Variants in TENM3 observed in about 807,000 individuals in gnomAD.
TENM3 encodes teneurin-3.
In TENM3, 63 loss-of-function variants were observed where a neutral mutation model predicts 255.1. The ratio of observed to expected loss-of-function variants is 0.25; its 90% CI spans 0.20 to 0.30. The LOEUF (loss-of-function observed/expected upper bound fraction) is 0.30, where lower values mean the gene tolerates loss of function less well. Ranked by LOEUF, TENM3 falls within the 10% of genes least tolerant of loss-of-function variation. The pLI, the probability that TENM3 is intolerant of heterozygous loss-of-function variation, is 1.00. For missense variants in TENM3, 2,929 were observed against 3,461.1 expected (o/e 0.85, Z 3.86); for synonymous variants, 1,306 against 1,322.3 (o/e 0.99, Z 0.27).
chr4:182,504,915 GTATCATGATGTTATATA>G (rs1478298220), intron 3 of TENM3, among the ~76,000 whole-genome samples: 2 of 152,106 alleles, frequency 1.3e-5, no homozygotes, highest in Admixed American at 6.6e-5. Flanking sequence ...AGATACTTGG[GTATCATGATGTTATATA>G]TTCTTTTCCA....
the TENM3 span, among the ~76,000 whole-genome samples, chr4:181,710,079 G>T: frequency 6.6e-6 from 1 of 152,088 alleles, no homozygotes; most frequent in Admixed American, 6.5e-5. Context: ...GGACATGCTG[G>T]CTTTAGAAAC....
chr4:181,861,762 C>A, the TENM3 span, among the ~76,000 whole-genome samples: 1 of 152,082 alleles, frequency 6.6e-6, no homozygotes, highest in Non-Finnish European at 1.5e-5. Context: ...GAAAATATTT[C>A]TTTTACTTCT....
intron 1 of TENM3, among the ~76,000 whole-genome samples, chr4:182,233,314 C>G (rs1374274547): frequency 1.3e-5 from 2 of 152,256 alleles, no homozygotes; most frequent in Non-Finnish European, 2.9e-5. Context: ...TGGCACTGTT[C>G]TGCATGGTGG....
At chr4:182,047,369 C>T in the TENM3 span, among the ~76,000 whole-genome samples, 2 of 151,886 alleles carry the variant, frequency 1.3e-5, no homozygotes, top group Non-Finnish European at 2.9e-5. Context: ...CAAGACCATC[C>T]TGGCCAACAT....
the TENM3 span, among the ~76,000 whole-genome samples, chr4:182,048,518 G>C: frequency 1.3e-5 from 2 of 152,150 alleles, no homozygotes; most frequent in African/African-American, 4.8e-5. Flanking sequence ...ATTTTTAGAA[G>C]AGTCAGATGT....
chr4:182,301,094 CAAAAGG>C lies in TENM3; in HGVS notation c.-75-22850_-75-22845del, dbSNP rs1761824675. Among the ~76,000 whole-genome samples the C allele has an allele frequency of 2.0e-5, 3 of 152,132 alleles. No homozygotes were observed. In the South Asian group the frequency reaches 6.2e-4, roughly 32 times the overall value. On this transcript the variant is annotated intron_variant, in intron 1 of 27. Coordinates refer to ENST00000511685, the MANE Select transcript of TENM3 (RefSeq NM_001080477.4). Reference sequence around the variant, plus strand: ...TCTTATGCGTATTAAGCCTCTGTAGCAAAAGGATGATTAAAAAGGTATATACATGTT... The same window carrying C: ...TCTTATGCGTATTAAGCCTCTGTAGCATGATTAAAAAGGTATATACATGTT...
chr4:181,687,253 A>G, the TENM3 span, among the ~76,000 whole-genome samples: 1 of 152,158 alleles, frequency 6.6e-6, no homozygotes, highest in African/African-American at 2.4e-5. Flanking sequence ...GAAAATGACT[A>G]TTATTTAGTG....
chr4:181,964,558 C>T, the TENM3 span, among the ~76,000 whole-genome samples: 1 of 151,772 alleles, frequency 6.6e-6, no homozygotes, highest in African/African-American at 2.4e-5. Flanking sequence ...CTCTCTTCAT[C>T]CCCCCAACAC....
At chr4:181,809,018 CG>C in the TENM3 span, among the ~76,000 whole-genome samples, 1 of 152,140 alleles carries the variant, frequency 6.6e-6, no homozygotes, top group Non-Finnish European at 1.5e-5. Context: ...TGACATACAC[CG>C]GAGAGAAAAA....
chr4:181,506,767 G>A, the TENM3 span, among the ~76,000 whole-genome samples: 2 of 151,734 alleles, frequency 1.3e-5, no homozygotes, highest in Admixed American at 1.3e-4. Context: ...AAGTCAGAGA[G>A]GGATAGCCTT....
chr4:181,546,129 T>G, the TENM3 span, among the ~76,000 whole-genome samples: 1 of 152,198 alleles, frequency 6.6e-6, no homozygotes, highest in African/African-American at 2.4e-5. Context: ...CAAATCTATT[T>G]TTTTAGACCA....
the TENM3 span, among the ~76,000 whole-genome samples, chr4:181,620,756 G>T: frequency 6.6e-6 from 1 of 151,916 alleles, no homozygotes; most frequent in Admixed American, 6.6e-5. Flanking sequence ...AGAAAAAAAT[G>T]ACAATACCTA....
At chr4:181,711,158 C>A in the TENM3 span, among the ~76,000 whole-genome samples, 1 of 152,084 alleles carries the variant, frequency 6.6e-6, no homozygotes. Context: ...CTGATCAAAG[C>A]AATTAGGCAG....
At chr4:182,120,091 GCGCGCA>G in the TENM3 span, among the ~76,000 whole-genome samples, 18,094 of 57,532 alleles carry the variant, frequency 0.31, 1,652 homozygotes, top group African/African-American at 0.41. Context: ...ATGCGTGCGT[GCGCGCA>G]CACACACACA....
intron 18 of TENM3, among the ~76,000 whole-genome samples, chr4:182,740,025 G>C (rs1294613361): frequency 6.6e-6 from 1 of 152,142 alleles, no homozygotes; most frequent in East Asian, 1.9e-4. Flanking sequence ...GACAGAGTGA[G>C]ACTCCGTCTC....
chr4:182,119,092 C>G, the TENM3 span, among the ~76,000 whole-genome samples: 22 of 152,066 alleles, frequency 1.4e-4, no homozygotes, highest in African/African-American at 5.3e-4. Context: ...TCTCAGCCCT[C>G]CCTCCCTTGG....
rs1361342846 is a variant in TENM3 at position 182,789,423 on chromosome 4, A to G, written c.5601+34A>G. On this transcript the variant is annotated intron_variant, in intron 25 of 27. Coordinates refer to ENST00000511685, the MANE Select transcript of TENM3 (RefSeq NM_001080477.4). The surrounding 1 kb of genome is among the most constrained non-coding windows in gnomAD (Gnocchi z 4.4). Reference sequence around the variant, plus strand: ...GCAAACTAAGCTCAACAATAGGGAAAGGATAATTCACATTTTTCAGCAATC... The same window carrying G: ...GCAAACTAAGCTCAACAATAGGGAAGGGATAATTCACATTTTTCAGCAATC... 3 of 1,573,826 alleles carry G rather than the reference A, an allele frequency of 1.9e-6. No individual in the cohort carries two copies. The highest frequency in any genetic ancestry group is 3.5e-5 in the Admixed American group (2 of 56,678).
At chr4:181,698,936 CATT>C in the TENM3 span, among the ~76,000 whole-genome samples, 331 of 152,212 alleles carry the variant, frequency 2.2e-3, no homozygotes, top group Non-Finnish European at 3.6e-3. Context: ...ATGAAGATGA[CATT>C]TAACTTTTTT....
At chr4:182,224,323 A>C (rs1756014774) in intron 1 of TENM3, among the ~76,000 whole-genome samples, 1 of 152,216 alleles carries the variant, frequency 6.6e-6, no homozygotes, top group South Asian at 2.1e-4. Flanking sequence ...CAGGGAGAGT[A>C]GCTAGGCCCT....
Sources: gnomAD v4.1 joint callset for allele counts (sites outside exome capture counted in the v4.1 genomes callset) on GRCh38, gnomAD v4.1.1 for gene constraint, Gnocchi (gnomAD v3.1) non-coding constraint, MANE v1.5 for transcripts, NCBI Gene and HGNC (gene_info 2026-07-23, HGNC 2026-07-21) for gene names.